TYW1B: variants seen among roughly 807,000 people sequenced by gnomAD.
TYW1B encodes the protein tRNA-yW synthesizing protein 1 homolog B.
TYW1B carries 73 observed loss-of-function variants against 86.9 expected under a neutral mutation model. The observed-to-expected ratio is 0.84, with a 90% CI of 0.70 to 1.02. TYW1B has a LOEUF of 1.02. TYW1B is among the 50% of genes least tolerant of loss of function. The pLI is 0.00. For missense variants in TYW1B, 637 were observed against 827.4 expected, an observed-to-expected ratio of 0.77 and a Z score of 2.82; for synonymous variants, 248 against 292.8, an observed-to-expected ratio of 0.85 and a Z score of 1.56.
intron 2 of TYW1B, among the ~76,000 whole-genome samples, chr7:72,817,541 A>G (rs1369671665): frequency 6.6e-6 from 1 of 152,158 alleles, no homozygotes; most frequent in Non-Finnish European, 1.5e-5. Flanking sequence ...GTGAGCTCGA[A>G]TAGGAGGTGT....
rs531968136 is a variant in TYW1B, at chr7:72,738,847, G to A, written c.1082+5637C>T. 2.0e-5 allele frequency among the ~76,000 whole-genome samples: 3 copies of A among 152,108 alleles called. No homozygotes were observed. The South Asian group carries it at 6.2e-4, about 32-fold the overall frequency. ...GCACTTTGGGAGGCTAAGAGGGGAGGATTGCTTCAGGCCAAGAGTTCGAGA... is the reference window on the plus strand; with the variant it reads ...GCACTTTGGGAGGCTAAGAGGGGAGAATTGCTTCAGGCCAAGAGTTCGAGA... On this transcript the variant is annotated intron_variant, in intron 8 of 13. Coordinates refer to ENST00000620995, the MANE Select transcript of TYW1B (RefSeq NM_001145440.3).
At chr7:72,663,912 A>G (rs1487557589) in intron 11 of TYW1B, among the ~76,000 whole-genome samples, 1 of 152,014 alleles carries the variant, frequency 6.6e-6, no homozygotes, top group Non-Finnish European at 1.5e-5. Context: ...ATATATCACA[A>G]TAACTCAAGA....
At chr7:72,576,959 G>A (rs562302852) in intron 13 of TYW1B, among the ~76,000 whole-genome samples, 3 of 151,874 alleles carry the variant, frequency 2.0e-5, no homozygotes, top group African/African-American at 4.8e-5. Flanking sequence ...AAACCCCATC[G>A]CTACTAAAAA....
At chr7:72,745,613 G>C (rs2129571371) in intron 7 of TYW1B, among the ~76,000 whole-genome samples, 1 of 152,012 alleles carries the variant, frequency 6.6e-6, no homozygotes, top group Non-Finnish European at 1.5e-5. Context: ...AGTGAAGCCT[G>C]GGAGGAGGTT....
intron 11 of TYW1B, among the ~76,000 whole-genome samples, chr7:72,674,985 T>G (rs1813701330): frequency 6.6e-6 from 1 of 152,070 alleles, no homozygotes; most frequent in Non-Finnish European, 1.5e-5. Flanking sequence ...TGCAAATAAG[T>G]GGGAATTCCA....
intron 12 of TYW1B, among the ~76,000 whole-genome samples, chr7:72,618,227 ATTTTTTTTTT>A (rs869158136): frequency 5.8e-5 from 6 of 103,938 alleles, no homozygotes; most frequent in East Asian, 3.2e-4. Flanking sequence ...ATGACACTGA[ATTTTTTTTTT>A]TTTTTTTTTT....
At chr7:72,744,900 A>T (rs1335608204) in intron 7 of TYW1B, among the ~76,000 whole-genome samples, 2 of 152,262 alleles carry the variant, frequency 1.3e-5, no homozygotes, top group African/African-American at 2.4e-5. Flanking sequence ...TTAGTACAAT[A>T]GTATATAATG....
intron 11 of TYW1B, among the ~76,000 whole-genome samples, chr7:72,665,520 G>C (rs568247737): frequency 6.6e-6 from 1 of 152,200 alleles, no homozygotes; most frequent in Admixed American, 6.5e-5. Flanking sequence ...ATTCATGTTT[G>C]GTCCAATTCT....
chr7:72,642,764 G>A (rs1812832736), intron 11 of TYW1B, among the ~76,000 whole-genome samples: 1 of 152,166 alleles, frequency 6.6e-6, no homozygotes, highest in South Asian at 2.1e-4. Context: ...AGCTCGGTGT[G>A]GTGGAGGGTG....
intron 2 of TYW1B, among the ~76,000 whole-genome samples, chr7:72,816,163 A>G (rs1788718244): frequency 1.3e-5 from 2 of 152,140 alleles, no homozygotes; most frequent in South Asian, 4.1e-4. Flanking sequence ...GATCACTTGA[A>G]GTCAGGAATT....
Position 72,599,863 on chromosome 7 carries a change from T to TA in TYW1B, c.1785+16808dup, listed in dbSNP as rs555729987. ...ATATATGTAGAAAACAAAGTCTGAT[T>TA]AAAAAAAAATCAGGCATATTTCAGT... On this transcript the variant is annotated intron_variant, in intron 13 of 13. Transcript: ENST00000620995. Among the ~76,000 whole-genome samples, 65 of 151,608 alleles carry TA rather than the reference T, an allele frequency of 4.3e-4. No individual in the cohort carries two copies. In the South Asian group the frequency reaches 0.011, roughly 26 times the overall value.
chr7:72,614,872 C>T (rs372923926), intron 13 of TYW1B, among the ~76,000 whole-genome samples: 6 of 152,180 alleles, frequency 3.9e-5, no homozygotes, highest in African/African-American at 1.4e-4. Flanking sequence ...ACAATGGCCT[C>T]GGCTAGCAAT....
At chr7:72,693,409 C>CTTTTT (rs35021264) in intron 11 of TYW1B, among the ~76,000 whole-genome samples, 4 of 129,448 alleles carry the variant, frequency 3.1e-5, no homozygotes, top group Admixed American at 8.1e-5. Flanking sequence ...TTGCAGACAT[C>CTTTTT]TTTTTTTTTT....
At chr7:72,812,990 G>A (rs1334458813) in intron 3 of TYW1B, among the ~76,000 whole-genome samples, 1 of 151,816 alleles carries the variant, frequency 6.6e-6, no homozygotes, top group Admixed American at 6.6e-5. Context: ...CACCCCACCT[G>A]GCCTCTGTTT....
intron 12 of TYW1B, among the ~76,000 whole-genome samples, chr7:72,620,745 T>C (rs1554437855): frequency 1.3e-5 from 2 of 152,160 alleles, no homozygotes; most frequent in Non-Finnish European, 2.9e-5. Context: ...ACTCTCACCC[T>C]CACCCTCACC....
chr7:72,714,280 A>G (rs1298069481), intron 9 of TYW1B, among the ~76,000 whole-genome samples: 8 of 152,038 alleles, frequency 5.3e-5, no homozygotes, highest in Non-Finnish European at 7.4e-5. Context: ...GGAATACTTC[A>G]TAATTCATAC....
chr7:72,815,489 G>C lies in TYW1B; in HGVS notation c.136-8C>G. 1 of 1,594,984 alleles carries C rather than the reference G, an allele frequency of 6.3e-7. No homozygotes were observed. Among genetic ancestry groups the C allele is most frequent in the Non-Finnish European group, 8.5e-7 (1 of 1,174,506 alleles). On this transcript the variant is annotated splice_region_variant and splice_polypyrimidine_tract_variant and intron_variant, in intron 2 of 13. Transcript: ENST00000620995. Reference sequence around the variant, plus strand: ...AAGAACTGTTGCAAATCCCTAATAGGACAAAAAAAAACTTCAAATAAAGTC... The same window carrying C: ...AAGAACTGTTGCAAATCCCTAATAGCACAAAAAAAAACTTCAAATAAAGTC...
chr7:72,811,785 G>C (rs1563102970), intron 3 of TYW1B, among the ~76,000 whole-genome samples: 1 of 151,584 alleles, frequency 6.6e-6, no homozygotes. Flanking sequence ...GGTAGTGGGT[G>C]CCTGTAGTTC....
chr7:72,767,318 T>C (rs188053470), intron 7 of TYW1B, among the ~76,000 whole-genome samples: 4 of 152,244 alleles, frequency 2.6e-5, no homozygotes, highest in African/African-American at 9.6e-5. Flanking sequence ...TAAAAATCTT[T>C]GTCTTTGGCC....
Sources: gnomAD v4.1 joint callset for allele counts (sites outside exome capture counted in the v4.1 genomes callset) on GRCh38, gnomAD v4.1.1 for gene constraint, MANE v1.5 for transcripts, NCBI Gene and HGNC (gene_info 2026-07-23, HGNC 2026-07-21) for gene names.